The following CDKAL1 variants were observed in gnomAD, a reference collection of about 807,000 sequenced individuals.
The protein encoded by CDKAL1 is threonylcarbamoyladenosine tRNA methylthiotransferase.
CDKAL1 carries 32 observed loss-of-function variants against 68.2 expected under a neutral mutation model. The ratio of observed to expected loss-of-function variants is 0.47; its 90% CI spans 0.35 to 0.63. The LOEUF (loss-of-function observed/expected upper bound fraction) is 0.63, where lower values mean the gene tolerates loss of function less well. Among genes scored for constraint, CDKAL1 ranks in the 30% least tolerant of loss-of-function variants. CDKAL1 has a pLI of 0.00. For missense variants in CDKAL1, 606 were observed against 696.7 expected, an observed-to-expected ratio of 0.87 and a Z score of 1.47; for synonymous variants, 234 against 244.3, an observed-to-expected ratio of 0.96 and a Z score of 0.39.
rs57097019 is a variant in CDKAL1 at position 21,217,294 on chromosome 6, CT to C, written c.1549-13537del. On this transcript the variant is annotated intron_variant, in intron 15 of 15. Transcript: ENST00000274695. ...TCATTGATGTTTAGGATTTCTTTTT[CT>C]TTTTTTTTTTTTTTTTGAGTCAGGG... 3.1e-3 allele frequency among the ~76,000 whole-genome samples: 443 copies of C among 142,868 alleles called. 2 individuals are homozygous for C. The highest frequency in any genetic ancestry group is 9.2e-3 in the African/African-American group (363 of 39,520). The allele number at this position is 142,868 out of a possible 152,430, so 93.7% of individuals were successfully genotyped here.
intron 4 of CDKAL1, among the ~76,000 whole-genome samples, chr6:20,602,202 G>T (rs1477763504): frequency 6.6e-6 from 1 of 152,126 alleles, no homozygotes; most frequent in Non-Finnish European, 1.5e-5. Context: ...TATCTACTCA[G>T]TATGGGGGCA....
chr6:20,614,983 T>A (rs1766822926), intron 4 of CDKAL1, among the ~76,000 whole-genome samples: 1 of 135,580 alleles, frequency 7.4e-6, no homozygotes, highest in Admixed American at 8.0e-5. Flanking sequence ...CCTGTGTCCA[T>A]GTGATCTCAT....
intron 4 of CDKAL1, among the ~76,000 whole-genome samples, chr6:20,562,790 G>A (rs1764319099): frequency 6.6e-6 from 1 of 151,928 alleles, no homozygotes; most frequent in Non-Finnish European, 1.5e-5. Flanking sequence ...ATCTTTCCCG[G>A]CAAATCATAC....
At chr6:20,817,749 C>T (rs942056769) in intron 8 of CDKAL1, among the ~76,000 whole-genome samples, 3 of 152,088 alleles carry the variant, frequency 2.0e-5, no homozygotes, top group Admixed American at 6.6e-5. Context: ...CTTCTACCTC[C>T]GGCAAGCATA....
At chr6:21,155,864 T>G (rs1776617599) in intron 13 of CDKAL1, among the ~76,000 whole-genome samples, 2 of 152,144 alleles carry the variant, frequency 1.3e-5, no homozygotes, top group African/African-American at 4.8e-5. Context: ...TGAGTAAACA[T>G]AAATCTGTGA....
intron 4 of CDKAL1, among the ~76,000 whole-genome samples, chr6:20,562,030 T>TTTAATGGGATTGGATTAA (rs1336660698): frequency 6.6e-6 from 1 of 152,226 alleles, no homozygotes; most frequent in Non-Finnish European, 1.5e-5. Context: ...GAAGCAGTAA[T>TTTAATGGGATTGGATTAA]TGCTTTCAAT....
At chr6:21,139,754 G>A (rs964868148) in intron 13 of CDKAL1, among the ~76,000 whole-genome samples, 14 of 152,126 alleles carry the variant, frequency 9.2e-5, no homozygotes, top group East Asian at 1.9e-4. Context: ...GCAGTCCTCC[G>A]GCCTCAGCCC....
At chr6:21,125,783 A>C (rs1774977375) in intron 13 of CDKAL1, among the ~76,000 whole-genome samples, 1 of 152,208 alleles carries the variant, frequency 6.6e-6, no homozygotes, top group South Asian at 2.1e-4. Flanking sequence ...CAGAAATCAG[A>C]GCTGCTGCTT....
At chr6:20,698,968 C>G (rs941459701) in intron 5 of CDKAL1, among the ~76,000 whole-genome samples, 2 of 152,166 alleles carry the variant, frequency 1.3e-5, no homozygotes, top group Non-Finnish European at 2.9e-5. Flanking sequence ...TTCATAGATA[C>G]ACATCAAGGC....
At chr6:21,159,658 T>C (rs1776815594) in intron 13 of CDKAL1, among the ~76,000 whole-genome samples, 1 of 152,246 alleles carries the variant, frequency 6.6e-6, no homozygotes, top group Non-Finnish European at 1.5e-5. Flanking sequence ...CTAAGTTTTG[T>C]GTTGTGAAAG....
chr6:21,069,962 T>C (rs540061653), intron 12 of CDKAL1, among the ~76,000 whole-genome samples: 2 of 151,878 alleles, frequency 1.3e-5, no homozygotes, highest in Non-Finnish European at 2.9e-5. Flanking sequence ...GCTAATTTTT[T>C]TGTATTTTTA....
intron 7 of CDKAL1, among the ~76,000 whole-genome samples, chr6:20,765,871 A>G: frequency 6.6e-6 from 1 of 152,214 alleles, no homozygotes; most frequent in East Asian, 1.9e-4. Flanking sequence ...GTTTTTAGCT[A>G]CACACATACA....
At chr6:20,625,930 C>T (rs1399803380) in intron 4 of CDKAL1, among the ~76,000 whole-genome samples, 1 of 152,160 alleles carries the variant, frequency 6.6e-6, no homozygotes, top group Admixed American at 6.6e-5. Context: ...ATGCTGTCTG[C>T]AAGATCTGCC....
chr6:21,151,831 GA>G (rs1776422949), intron 13 of CDKAL1, among the ~76,000 whole-genome samples: 1 of 152,006 alleles, frequency 6.6e-6, no homozygotes, highest in African/African-American at 2.4e-5. Flanking sequence ...TTGAACAATT[GA>G]AACATTAGTT....
intron 12 of CDKAL1, among the ~76,000 whole-genome samples, chr6:21,099,856 A>G (rs891514336): frequency 1.3e-5 from 2 of 152,236 alleles, no homozygotes; most frequent in African/African-American, 4.8e-5. Flanking sequence ...TCATTTTGGC[A>G]ACACTTATTA....
intron 4 of CDKAL1, among the ~76,000 whole-genome samples, chr6:20,613,035 A>ACG (rs1398291959): frequency 7.5e-6 from 1 of 132,452 alleles, no homozygotes; most frequent in African/African-American, 3.0e-5. Flanking sequence ...ACACACACAC[A>ACG]CACACACACA....
intron 15 of CDKAL1, among the ~76,000 whole-genome samples, chr6:21,212,144 G>A (rs1026186787): frequency 3.3e-5 from 5 of 152,132 alleles, no homozygotes; most frequent in African/African-American, 1.2e-4. Context: ...GGCCCCGCCT[G>A]ACTGGTCTGC....
intron 4 of CDKAL1, among the ~76,000 whole-genome samples, chr6:20,602,885 A>G (rs1299049543): frequency 3.3e-5 from 5 of 152,182 alleles, no homozygotes; most frequent in Non-Finnish European, 5.9e-5. Context: ...GAAGATGGTC[A>G]CATCCAGTTT....
chr6:20,554,720 A>C (rs9350257), intron 4 of CDKAL1, among the ~76,000 whole-genome samples: 35,815 of 152,096 alleles, frequency 0.24, 5,135 homozygotes, highest in East Asian at 0.53. Context: ...TAGTGGAATA[A>C]AGGTTTAGGC....
Sources: gnomAD v4.1 joint callset for allele counts (sites outside exome capture counted in the v4.1 genomes callset) on GRCh38, gnomAD v4.1.1 for gene constraint, MANE v1.5 for transcripts, NCBI Gene and HGNC (gene_info 2026-07-23, HGNC 2026-07-21) for gene names.